Variants in GLB1L2 observed in about 807,000 individuals in gnomAD.
GLB1L2 encodes the protein galactosidase beta 1 like 2.
In GLB1L2, 68 loss-of-function variants were observed where a neutral mutation model predicts 84.1. The observed-to-expected ratio is 0.81, with a 90% CI of 0.67 to 0.99. The LOEUF is 0.99. GLB1L2 is among the 50% of genes least tolerant of loss of function. The pLI is 0.00. For missense variants in GLB1L2, 762 were observed against 805.6 expected (o/e 0.95, Z 0.66); for synonymous variants, 290 against 318.0 (o/e 0.91, Z 0.94).
intron 4 of GLB1L2, among the ~76,000 whole-genome samples, chr11:134,345,723 C>T (rs973189883): frequency 1.2e-4 from 18 of 152,230 alleles, no homozygotes; most frequent in African/African-American, 4.3e-4. Context: ...CCCACCTCGG[C>T]CTCCCAAAGT....
At chr11:134,348,099 T>A (rs113595951) in intron 5 of GLB1L2, among the ~76,000 whole-genome samples, 3,628 of 152,134 alleles carry the variant, frequency 0.024, 150 homozygotes, top group African/African-American at 0.082. Flanking sequence ...AGAACGGCAT[T>A]GAGAAATTAG....
chr11:134,360,012 C>T (rs1025073079), intron 7 of GLB1L2: 13 of 152,368 alleles, frequency 8.5e-5, no homozygotes, highest in African/African-American at 2.9e-4. Context: ...TTCGCCCTCT[C>T]ACCTTCCAGG....
chr11:134,358,377 G>C (rs1943735509), intron 6 of GLB1L2, among the ~76,000 whole-genome samples: 1 of 152,290 alleles, frequency 6.6e-6, no homozygotes, highest in Admixed American at 6.5e-5. Flanking sequence ...GCGTAGGACA[G>C]TCTGTGTATG....
chr11:134,364,288 G>T lies in GLB1L2; in HGVS notation c.734-40G>T, dbSNP rs1565440739. The T allele has an allele frequency of 2.6e-6, 4 of 1,563,046 alleles. No individual in the cohort carries two copies. In the South Asian group the frequency reaches 4.5e-5, roughly 18 times the overall value. ...TCACCTAGAAGGTCCCTGGCTTTGA[G>T]ACAGTGCTTTGTCTCTCTCTCTCCT... On this transcript the variant is annotated intron_variant, in intron 7 of 18. Transcript: ENST00000535456.
chr11:134,335,891 C>G (rs1186894053), intron 1 of GLB1L2, among the ~76,000 whole-genome samples: 1 of 152,074 alleles, frequency 6.6e-6, no homozygotes, highest in Non-Finnish European at 1.5e-5. Flanking sequence ...CTAGGCACGT[C>G]CTCCCTCCCT....
intron 17 of GLB1L2, 122 bp from the exon 18 acceptor site, chr11:134,374,480 C>T (rs1254379638): frequency 2.4e-6 from 2 of 826,560 alleles, no homozygotes; most frequent in Middle Eastern, 2.9e-4. Context: ...TGCCCACCCT[C>T]ATGGCTGTCC....
At position 134,375,287 on chromosome 11, in the gene GLB1L2, T is replaced by G. The variant is rs1944011115; in HGVS notation, c.*229T>G. On this transcript the variant is annotated 3_prime_UTR_variant, in exon 19 of 19. Transcript: ENST00000535456. ...GTTGATGATGGCTTTCCTACAGCCC[T>G]GCTCTTGTGCCGAGGCTGTCGGGCT... 1 of 509,726 alleles carries G rather than the reference T, an allele frequency of 2.0e-6. No homozygotes were observed. Among genetic ancestry groups the G allele is most frequent in the East Asian group, 3.4e-5 (1 of 29,572 alleles). The allele number at this position is 509,726 out of a possible 1,614,324, so 31.6% of individuals were successfully genotyped here.
intron 1 of GLB1L2, among the ~76,000 whole-genome samples, chr11:134,341,095 G>T (rs1340863557): frequency 6.6e-6 from 1 of 152,100 alleles, no homozygotes; most frequent in Admixed American, 6.5e-5. Context: ...GGAGAAGTTG[G>T]GATTATTCCA....
At chr11:134,369,578 G>T (rs11223773) in intron 10 of GLB1L2, among the ~76,000 whole-genome samples, 13,220 of 134,454 alleles carry the variant, frequency 0.098, 769 homozygotes, top group Non-Finnish European at 0.14. Flanking sequence ...GCCTCCCAAA[G>T]TGCTGGGATT....
Position 134,364,380 on chromosome 11 carries a change from C to T in GLB1L2, c.786C>T (p.Thr262=), listed in dbSNP as rs1943837535. 6 of 1,614,042 alleles carry T rather than the reference C, an allele frequency of 3.7e-6. No individual in the cohort carries two copies. Among genetic ancestry groups the T allele is most frequent in the Non-Finnish European group, 5.1e-6 (6 of 1,179,900 alleles). ...CACACGAGCTGCAGCTACTGACCAC[C>T]TTTCTCTTCAACGTCCAGGTAAGTC... The part of the protein sequence containing the change: ...QSTHELQLLT[T]FLFNVQGTQP... The change falls in exon 8 of 19, where the codon ACC becomes ACT. Residue 262 remains threonine, a synonymous_variant. Coordinates refer to ENST00000535456, the MANE Select transcript of GLB1L2 (RefSeq NM_001370461.1).
chr11:134,362,339 T>TCCTTCCCCGGCGCTGCCCGCCTTC lies in GLB1L2; in HGVS notation c.734-1969_734-1968insCTTCCCTTCCCCGGCGCTGCCCGC, dbSNP rs1555089608. ...TTCCCTTCCCCGGCGCTGCCCGCGT[T>TCCTTCCCCGGCGCTGCCCGCCTTC]CCTTCCCCGGCGCTGCCCGCGTGTT... On this transcript the variant is annotated intron_variant, in intron 7 of 18. Transcript: ENST00000535456. Among the ~76,000 whole-genome samples, 193 of 110,558 alleles carry TCCTTCCCCGGCGCTGCCCGCCTTC rather than the reference T, an allele frequency of 1.7e-3. 1 individual carries two copies. Among genetic ancestry groups the TCCTTCCCCGGCGCTGCCCGCCTTC allele is most frequent in the African/African-American group, 6.3e-3 (177 of 28,164 alleles). The allele number at this position is 110,558 out of a possible 152,430, so 72.5% of individuals were successfully genotyped here.
At chr11:134,351,650 T>C (rs953519416) in intron 5 of GLB1L2, among the ~76,000 whole-genome samples, 2 of 152,190 alleles carry the variant, frequency 1.3e-5, no homozygotes, top group African/African-American at 4.8e-5. Flanking sequence ...TGGCCTACAT[T>C]GATTGCTTTT....
At chr11:134,341,768 G>A (rs1421827901) in intron 1 of GLB1L2, among the ~76,000 whole-genome samples, 1 of 152,180 alleles carries the variant, frequency 6.6e-6, no homozygotes, top group Admixed American at 6.5e-5. Flanking sequence ...CTGCCCTGTG[G>A]GCACCCTGCC....
chr11:134,362,578 C>T (rs575496991), intron 7 of GLB1L2, among the ~76,000 whole-genome samples: 47 of 152,340 alleles, frequency 3.1e-4, no homozygotes, highest in African/African-American at 1.1e-3. Context: ...GTGTCTGCCA[C>T]TGTTGAGTGT....
rs1266305071 is a variant in GLB1L2 at position 134,343,045 on chromosome 11, C to G, written c.284+94C>G. The G allele has an allele frequency of 1.3e-5, 18 of 1,337,042 alleles. No homozygotes were observed. In the African/African-American group the frequency reaches 1.9e-4, roughly 14 times the overall value. The allele number at this position is 1,337,042 out of a possible 1,614,324, so 82.8% of individuals were successfully genotyped here. A position where few individuals can be genotyped will look rare whatever the true frequency, so the allele number is the denominator to read the frequency against. ...AATATAAGAGGAACCGGCCCAGGTC[C>G]TCTGCCCAGGGCGAGAGAGCCAGGG... On this transcript the variant is annotated intron_variant, in intron 2 of 18. Transcript: ENST00000535456.
rs1943347492 is a variant in GLB1L2 at position 134,334,217 on chromosome 11, G to A, written c.86+2070G>A. On this transcript the variant is annotated intron_variant, in intron 1 of 18. Transcript: ENST00000535456. The surrounding 1 kb of genome is among the most constrained non-coding windows in gnomAD (Gnocchi z 4.1). ...GTGGAATATAGGTCACGTGGAAACTGGCCACCAAGTTCACTCTTTGTGGAG... is the reference window on the plus strand; with the variant it reads ...GTGGAATATAGGTCACGTGGAAACTAGCCACCAAGTTCACTCTTTGTGGAG... Among the ~76,000 whole-genome samples, 1 of 152,172 alleles carries A rather than the reference G, an allele frequency of 6.6e-6. No individual in the cohort carries two copies. The highest frequency in any genetic ancestry group is 2.4e-5 in the African/African-American group (1 of 41,442).
intron 5 of GLB1L2, 97 bp from the exon 6 acceptor site, chr11:134,356,204 G>T: frequency 7.8e-6 from 7 of 893,534 alleles, no homozygotes; most frequent in South Asian, 1.4e-5. Flanking sequence ...AGTTTTCAAT[G>T]GGATCTTTTG....
At chr11:134,371,954 T>C in intron 15 of GLB1L2, 124 bp downstream of exon 15, 1 of 889,824 alleles carries the variant, frequency 1.1e-6, no homozygotes, top group South Asian at 1.5e-5. Context: ...GGCTGGGTTG[T>C]CCCATACATG....
intron 1 of GLB1L2, among the ~76,000 whole-genome samples, chr11:134,342,426 G>T (rs1354410878): frequency 6.6e-6 from 1 of 151,842 alleles, no homozygotes; most frequent in Admixed American, 6.6e-5. Flanking sequence ...TGAAGCCCGT[G>T]CGGCGCCCGC....
Sources: gnomAD v4.1 joint callset for allele counts (sites outside exome capture counted in the v4.1 genomes callset) on GRCh38, gnomAD v4.1.1 for gene constraint, Gnocchi (gnomAD v3.1) non-coding constraint, MANE v1.5 for transcripts, NCBI Gene and HGNC (gene_info 2026-07-23, HGNC 2026-07-21) for gene names.